The following KIF5B variants were observed in gnomAD, a reference collection of about 807,000 sequenced individuals.
The protein encoded by KIF5B is kinesin-1 heavy chain.
Under a neutral mutation model 132.8 loss-of-function variants are expected in KIF5B, and 49 were observed. The observed-to-expected ratio is 0.37, with a 90% CI of 0.29 to 0.47. The LOEUF (loss-of-function observed/expected upper bound fraction) is 0.47. Among genes scored for constraint, KIF5B ranks in the 20% least tolerant of loss-of-function variants. The pLI, the probability that KIF5B is intolerant of heterozygous loss-of-function variation, is 1.00. For synonymous variants in KIF5B, 355 were observed against 369.4 expected (o/e 0.96, Z 0.45); for missense variants, 780 against 1,144.0 (o/e 0.68, Z 4.59).
chr10:32,031,140 T>C lies in KIF5B; in HGVS notation c.1514A>G (p.Lys505Arg), dbSNP rs758043331. ...LEELAVNYDQ[K>R]SQEVEDKTKE... is the part of the protein sequence containing the mutation. ...AGTTTTGTCTTCAACTTCCTGAGAC[T>C]TCTGATCATAATTGACAGCAAGTTC... The change falls in exon 14 of 26, where the codon AAG (lysine) becomes AGG (arginine). Residue 505 changes from lysine (K) to arginine (R), a missense_variant. Lys to Arg is a conservative substitution (Grantham distance 26). This residue lies in a region of KIF5B where 471 missense variants were observed against 569.9 expected (regional missense o/e 0.83). Transcript: ENST00000302418. 4 of 1,614,012 alleles carry C rather than the reference T, an allele frequency of 2.5e-6. No homozygotes were observed. Among genetic ancestry groups the C allele is most frequent in the Non-Finnish European group, 3.4e-6 (4 of 1,179,964 alleles).
rs367762818 is a variant in KIF5B, at chr10:32,018,585, A to G, written c.2307-23T>C. ...ACCCTAACAGTAGAAGAACAAACAT[A>G]TATTTTCAAATTTTATTCTGTATAT... On this transcript the variant is annotated intron_variant, in intron 20 of 25. Transcript: ENST00000302418. 9 of 1,505,714 alleles carry G rather than the reference A, an allele frequency of 6.0e-6. No individual in the cohort carries two copies. The African/African-American group carries it at 9.2e-5, about 15-fold the overall frequency. 93.3% of individuals were successfully genotyped at this position (1,505,714 alleles called of 1,614,324 possible). A position where few individuals can be genotyped will look rare whatever the true frequency, so the allele number is the denominator to read the frequency against.
Position 32,032,153 on chromosome 10 carries a change from C to T in KIF5B, c.1374+553G>A, listed in dbSNP as rs531646972. Among the ~76,000 whole-genome samples, 11 of 152,032 alleles carry T rather than the reference C, an allele frequency of 7.2e-5. No individual in the cohort carries two copies. The East Asian group carries it at 2.1e-3, about 30-fold the overall frequency. ...GGAGTGTTAATAATAGGGTAGAATG[C>T]TAATGGCATTTAGGAGTAGGGACCA... On this transcript the variant is annotated intron_variant, in intron 13 of 25. Coordinates refer to ENST00000302418, the MANE Select transcript of KIF5B (RefSeq NM_004521.3).
intron 14 of KIF5B, among the ~76,000 whole-genome samples, chr10:32,029,242 G>A (rs1017483332): frequency 1.6e-4 from 25 of 152,174 alleles, no homozygotes; most frequent in African/African-American, 5.3e-4. Flanking sequence ...CGAAGTGCTC[G>A]AAAATCTGGG....
Position 32,018,291 on chromosome 10 carries a change from G to T in KIF5B, c.2439+25C>A, listed in dbSNP as rs536585128. The T allele has an allele frequency of 4.0e-6, 6 of 1,487,744 alleles. No individual in the cohort carries two copies. In the South Asian group the frequency reaches 8.7e-5, roughly 22 times the overall value. 92.2% of individuals were successfully genotyped at this position (1,487,744 alleles called of 1,614,324 possible). ...AGAAGTAAGCACCATTTATGCAAAC[G>T]CCTACCTCGGCATAGTTACATTACC... On this transcript the variant is annotated intron_variant, in intron 22 of 25. Transcript: ENST00000302418.
intron 23 of KIF5B, 44 bp from the exon 24 acceptor site, chr10:32,017,403 T>C (rs1365869772): frequency 3.4e-6 from 5 of 1,461,696 alleles, no homozygotes; most frequent in Non-Finnish European, 4.7e-6. Flanking sequence ...TTTAACAGGA[T>C]GACTTGAAAA....
intron 15 of KIF5B, among the ~76,000 whole-genome samples, chr10:32,024,421 T>A (rs1301832722): frequency 5.4e-5 from 8 of 148,978 alleles, no homozygotes; most frequent in African/African-American, 2.0e-4. Context: ...CCCAAAGTGC[T>A]GGGATTACAG....
chr10:32,014,549 AAGAGAG>A lies in KIF5B; in HGVS notation c.*20+954_*20+959del, dbSNP rs150457811. ...AAAAACTAATACAGAAAGCTCCAGA[AAGAGAG>A]AGAGAGAGAGAGAGATAGTATATTG... On this transcript the variant is annotated intron_variant, in intron 25 of 25. Transcript: ENST00000302418. Among the ~76,000 whole-genome samples, 9 of 149,948 alleles carry A rather than the reference AAGAGAG, an allele frequency of 6.0e-5. No individual in the cohort carries two copies. The South Asian group carries it at 1.0e-3, about 17-fold the overall frequency.
At position 32,028,349 on chromosome 10, in the gene KIF5B, A is replaced by T. The variant is rs907361022; in HGVS notation, c.1725+79T>A. 5 of 1,140,574 alleles carry T rather than the reference A, an allele frequency of 4.4e-6. No individual in the cohort carries two copies. The African/African-American group carries it at 7.8e-5, about 18-fold the overall frequency. 70.7% of individuals were successfully genotyped at this position (1,140,574 alleles called of 1,614,324 possible). On this transcript the variant is annotated intron_variant, in intron 15 of 25. Transcript: ENST00000302418. ...GGATGAGATCATGAATACGAAAAGA[A>T]CTTTACAAACTATTAGTAGTAAACA...
chr10:32,053,280 T>C (rs888255208), intron 1 of KIF5B, among the ~76,000 whole-genome samples: 1 of 152,108 alleles, frequency 6.6e-6, no homozygotes, highest in Non-Finnish European at 1.5e-5. Flanking sequence ...TTTAAAAAAC[T>C]GAACAAAAAT....
intron 14 of KIF5B, 141 bp downstream of exon 14, chr10:32,030,932 G>T (rs1841395638): frequency 1.6e-6 from 1 of 633,836 alleles, no homozygotes; most frequent in Admixed American, 2.9e-5. Flanking sequence ...TATACAGAAA[G>T]AAATGAAGTT....
At chr10:32,024,076 A>AC (rs1165330673) in intron 15 of KIF5B, among the ~76,000 whole-genome samples, 13 of 147,696 alleles carry the variant, frequency 8.8e-5, no homozygotes, top group Non-Finnish European at 1.9e-4. Context: ...AAAAAAAAAA[A>AC]ACAAGACACA....
At position 32,035,999 on chromosome 10, in the gene KIF5B, A is replaced by C. The variant is rs777021954; in HGVS notation, c.712-5T>G. ...TTCAGCTCCAGTTTTACTAACCTATACATAAGATTTCAAAAGAATGAAACA... is the reference window on the plus strand; with the variant it reads ...TTCAGCTCCAGTTTTACTAACCTATCCATAAGATTTCAAAAGAATGAAACA... On this transcript the variant is annotated splice_polypyrimidine_tract_variant and splice_region_variant and intron_variant, in intron 8 of 25. Transcript: ENST00000302418. 6.5e-7 allele frequency: 1 copy of C among 1,533,270 alleles called. No individual in the cohort carries two copies. The highest frequency in any genetic ancestry group is 8.8e-7 in the Non-Finnish European group (1 of 1,135,026). The allele number at this position is 1,533,270 out of a possible 1,614,324, so 95.0% of individuals were successfully genotyped here.
rs1446753883 is a variant in KIF5B, at chr10:32,010,622, AATTC to A, written c.*911_*914del. 3 of 152,146 alleles carry A rather than the reference AATTC, an allele frequency of 2.0e-5. No individual in the cohort carries two copies. Among genetic ancestry groups the A allele is most frequent in the Non-Finnish European group, 2.9e-5 (2 of 67,994 alleles). The allele number at this position is 152,146 out of a possible 1,614,324, so 9.4% of individuals were successfully genotyped here. On this transcript the variant is annotated 3_prime_UTR_variant, in exon 26 of 26. Coordinates refer to ENST00000302418, the MANE Select transcript of KIF5B (RefSeq NM_004521.3). ...ATTATGTTTAATCCTATAATATCTTAATTCATTTTACTAATATTAAAGATGACAA... is the reference window on the plus strand; with the variant it reads ...ATTATGTTTAATCCTATAATATCTTAATTTTACTAATATTAAAGATGACAA...
intron 25 of KIF5B, among the ~76,000 whole-genome samples, chr10:32,015,149 A>T (rs1007810079): frequency 6.6e-6 from 1 of 151,938 alleles, no homozygotes; most frequent in East Asian, 1.9e-4. Flanking sequence ...AAAAAAAAAG[A>T]TGTTTCAAAT....
At chr10:32,053,661 T>G (rs1592457110) in intron 1 of KIF5B, among the ~76,000 whole-genome samples, 2 of 151,312 alleles carry the variant, frequency 1.3e-5, no homozygotes, top group Non-Finnish European at 2.9e-5. Context: ...GAGGCGGAGG[T>G]TGCAGTGTGC....
intron 25 of KIF5B, among the ~76,000 whole-genome samples, chr10:32,013,860 G>A (rs1022278889): frequency 6.6e-6 from 1 of 152,168 alleles, no homozygotes; most frequent in East Asian, 1.9e-4. Flanking sequence ...CATAGTCCCT[G>A]TTCTTTTCAC....
intron 3 of KIF5B, among the ~76,000 whole-genome samples, chr10:32,039,856 T>C (rs1344529429): frequency 6.6e-6 from 1 of 152,222 alleles, no homozygotes; most frequent in Non-Finnish European, 1.5e-5. Context: ...ATTTACTTAA[T>C]ATAGTACACT....
chr10:32,038,732 A>T (rs376080257), intron 5 of KIF5B, 46 bp downstream of exon 5: 32 of 1,013,914 alleles, frequency 3.2e-5, no homozygotes, highest in Non-Finnish European at 4.9e-5. Context: ...ATTAAAAAGG[A>T]ATTAACAGAT....
intron 2 of KIF5B, among the ~76,000 whole-genome samples, chr10:32,044,607 G>C (rs980195752): frequency 6.6e-6 from 1 of 151,960 alleles, no homozygotes; most frequent in Non-Finnish European, 1.5e-5. Flanking sequence ...GGGAGGCGGA[G>C]GTAGGTTACA....
Sources: gnomAD v4.1 joint callset for allele counts (sites outside exome capture counted in the v4.1 genomes callset) on GRCh38, gnomAD v4.1.1 for gene constraint, gnomAD v4.1.1 regional missense constraint, MANE v1.5 for transcripts, NCBI Gene and HGNC (gene_info 2026-07-23, HGNC 2026-07-21) for gene names.